EYS: variants seen among roughly 807,000 people sequenced by gnomAD.
The protein encoded by EYS is protein eyes shut homolog.
In EYS, 250 loss-of-function variants were observed where a neutral mutation model predicts 282.1. The observed-to-expected ratio is 0.89, with a 90% CI of 0.80 to 0.98. The LOEUF (loss-of-function observed/expected upper bound fraction) is 0.98. Among genes scored for constraint, EYS ranks in the 50% least tolerant of loss-of-function variants. EYS has a pLI of 0.00. For missense variants in EYS, 4,016 were observed against 3,709.0 expected (o/e 1.08, Z -2.15); for synonymous variants, 1,355 against 1,282.9 (o/e 1.06, Z -1.20).
intron 26 of EYS, among the ~76,000 whole-genome samples, chr6:64,512,877 T>C (rs1375842367): frequency 3.3e-5 from 5 of 151,910 alleles, no homozygotes; most frequent in Non-Finnish European, 7.4e-5. Flanking sequence ...AATAAAACAC[T>C]CTGTTTTATG....
intron 22 of EYS, among the ~76,000 whole-genome samples, chr6:64,727,699 C>A (rs185108935): frequency 3.3e-5 from 5 of 152,240 alleles, no homozygotes; most frequent in African/African-American, 1.2e-4. Context: ...ATCATCTTAG[C>A]CAACAACATC....
intron 5 of EYS, among the ~76,000 whole-genome samples, chr6:65,431,241 C>T (rs1767875868): frequency 6.6e-6 from 1 of 152,170 alleles, no homozygotes. Flanking sequence ...AAGTGTGGGT[C>T]ATAACCTCCT....
At chr6:64,333,437 G>T (rs1414665799) in intron 29 of EYS, among the ~76,000 whole-genome samples, 2 of 152,074 alleles carry the variant, frequency 1.3e-5, no homozygotes, top group Non-Finnish European at 2.9e-5. Context: ...CGTAATAGAA[G>T]AGTCCAAAAA....
At chr6:64,691,032 A>G (rs1462809902) in intron 22 of EYS, among the ~76,000 whole-genome samples, 1 of 152,030 alleles carries the variant, frequency 6.6e-6, no homozygotes, top group Non-Finnish European at 1.5e-5. Context: ...TATAATATTA[A>G]AAGAGGAAAA....
At chr6:65,419,298 T>A (rs1279735692) in intron 5 of EYS, among the ~76,000 whole-genome samples, 1 of 151,956 alleles carries the variant, frequency 6.6e-6, no homozygotes, top group African/African-American at 2.4e-5. Flanking sequence ...ATAGAAATTT[T>A]ATAATTTGAT....
At chr6:64,345,204 A>C (rs1161905465) in intron 29 of EYS, among the ~76,000 whole-genome samples, 3 of 152,306 alleles carry the variant, frequency 2.0e-5, no homozygotes, top group Non-Finnish European at 2.9e-5. Context: ...AAACTACTTT[A>C]AAGTTCATAT....
At chr6:65,129,567 A>T (rs1296084476) in intron 12 of EYS, among the ~76,000 whole-genome samples, 1 of 152,052 alleles carries the variant, frequency 6.6e-6, no homozygotes, top group African/African-American at 2.4e-5. Flanking sequence ...AAAAATGCTC[A>T]TAATCACTAA....
intron 12 of EYS, among the ~76,000 whole-genome samples, chr6:65,258,539 G>A (rs1207079412): frequency 6.6e-6 from 1 of 152,148 alleles, no homozygotes; most frequent in African/African-American, 2.4e-5. Flanking sequence ...GTCACAAGCT[G>A]TGGGGAAGGG....
rs530407747 is a variant in EYS, at chr6:63,964,747, C to T, written c.7055+19636G>A. Among the ~76,000 whole-genome samples, 13 of 152,328 alleles carry T rather than the reference C, an allele frequency of 8.5e-5. No individual in the cohort carries two copies. In the East Asian group the frequency reaches 1.7e-3, roughly 20 times the overall value. ...AGAGCAAAACATGAATTTCTCCCCT[C>T]ATACTTTCCTCTTGTTAGTACAATT... On this transcript the variant is annotated intron_variant, in intron 35 of 42. Transcript: ENST00000503581.
chr6:64,385,623 T>C (rs1772881699), intron 29 of EYS, among the ~76,000 whole-genome samples: 1 of 152,204 alleles, frequency 6.6e-6, no homozygotes, highest in Non-Finnish European at 1.5e-5. Context: ...GAAAAAGTCT[T>C]TCGAAATTTA....
At position 65,056,051 on chromosome 6, in the gene EYS, T is replaced by TC. The variant is rs1315728446; in HGVS notation, c.2137+1562dup. Among the ~76,000 whole-genome samples, 4 of 152,184 alleles carry TC rather than the reference T, an allele frequency of 2.6e-5. No homozygotes were observed. In the East Asian group the frequency reaches 7.8e-4, roughly 30 times the overall value. ...TGGGATTATTGTACAAAAAGATGCATCTATTACTTCTCATTTATTCATTCA... is the reference window on the plus strand; with the variant it reads ...TGGGATTATTGTACAAAAAGATGCATCCTATTACTTCTCATTTATTCATTCA... On this transcript the variant is annotated intron_variant, in intron 13 of 42. Coordinates refer to ENST00000503581, the MANE Select transcript of EYS (RefSeq NM_001142800.2).
intron 2 of EYS, among the ~76,000 whole-genome samples, chr6:65,569,794 A>C (rs1764413461): frequency 6.6e-6 from 1 of 152,144 alleles, no homozygotes; most frequent in Admixed American, 6.5e-5. Flanking sequence ...CTGCCAAATT[A>C]TCCTCAAAAA....
At chr6:64,425,662 A>G (rs906058093) in intron 28 of EYS, among the ~76,000 whole-genome samples, 2 of 147,962 alleles carry the variant, frequency 1.4e-5, no homozygotes, top group African/African-American at 5.2e-5. Flanking sequence ...CCCAGGAAAA[A>G]AAAAAAAAAA....
At chr6:65,455,176 T>C (rs533747909) in intron 5 of EYS, among the ~76,000 whole-genome samples, 2 of 152,250 alleles carry the variant, frequency 1.3e-5, no homozygotes, top group South Asian at 4.1e-4. Flanking sequence ...TTGATTTCTT[T>C]TATAAAAATT....
chr6:65,661,798 C>G lies in EYS; in HGVS notation c.-447-21906G>C, dbSNP rs142035847. ...ATCTGTGCCTGCACAAGGAACAATA[C>G]ACAGTCTGGTTTGGTTAGAGAATAG... On this transcript the variant is annotated intron_variant, in intron 1 of 42. Coordinates refer to ENST00000503581, the MANE Select transcript of EYS (RefSeq NM_001142800.2). Among the ~76,000 whole-genome samples, 7 of 152,224 alleles carry G rather than the reference C, an allele frequency of 4.6e-5. No individual in the cohort carries two copies. In the South Asian group the frequency reaches 1.4e-3, roughly 32 times the overall value.
intron 22 of EYS, among the ~76,000 whole-genome samples, chr6:64,636,523 G>A (rs1410260494): frequency 6.6e-6 from 1 of 152,146 alleles, no homozygotes; most frequent in Non-Finnish European, 1.5e-5. Context: ...TCAGAACATA[G>A]GCATGGGCAA....
chr6:63,942,610 G>T (rs528699774), intron 35 of EYS, among the ~76,000 whole-genome samples: 1 of 152,106 alleles, frequency 6.6e-6, no homozygotes, highest in South Asian at 2.1e-4. Flanking sequence ...ACTCAAGACT[G>T]CTTTTGAATT....
At chr6:65,544,001 A>AGTGT (rs751872447) in intron 2 of EYS, among the ~76,000 whole-genome samples, 1,944 of 145,050 alleles carry the variant, frequency 0.013, 30 homozygotes, top group African/African-American at 0.037. Flanking sequence ...AAAAAGAGAA[A>AGTGT]GTGTGTGTGT....
chr6:64,136,166 T>C (rs999514990), intron 31 of EYS, among the ~76,000 whole-genome samples: 4 of 151,846 alleles, frequency 2.6e-5, no homozygotes, highest in Non-Finnish European at 4.4e-5. Context: ...AACCACCTTG[T>C]TTGCTCTTCC....
Sources: gnomAD v4.1 joint callset for allele counts (sites outside exome capture counted in the v4.1 genomes callset) on GRCh38, gnomAD v4.1.1 for gene constraint, MANE v1.5 for transcripts, NCBI Gene and HGNC (gene_info 2026-07-23, HGNC 2026-07-21) for gene names.